Variants in FLT1 observed in about 807,000 individuals in gnomAD.
FLT1 encodes the protein vascular endothelial growth factor receptor 1.
FLT1 carries 49 observed loss-of-function variants against 156.3 expected under a neutral mutation model. That is an observed-to-expected ratio of 0.31 (90% CI 0.25 to 0.40). FLT1 has a LOEUF of 0.40. Among genes scored for constraint, FLT1 ranks in the 10% least tolerant of loss-of-function variants. FLT1 has a pLI of 1.00. For missense variants in FLT1, 1,322 were observed against 1,637.2 expected, an observed-to-expected ratio of 0.81 and a Z score of 3.32; for synonymous variants, 594 against 583.8, an observed-to-expected ratio of 1.02 and a Z score of -0.25.
chr13:28,329,532 G>T, intron 19 of FLT1, 83 bp downstream of exon 19: 1 of 978,844 alleles, frequency 1.0e-6, no homozygotes, highest in Non-Finnish European at 1.6e-6. Context: ...GCACAGTGCG[G>T]GGGAGAAGGA....
intron 20 of FLT1, among the ~76,000 whole-genome samples, chr13:28,324,238 C>T (rs1277821199): frequency 5.3e-5 from 8 of 152,184 alleles, no homozygotes; most frequent in Non-Finnish European, 1.2e-4. Flanking sequence ...TTCTGCTAGA[C>T]AGCAATACTG....
chr13:28,387,530 C>T, intron 13 of FLT1: 1 of 1,062,116 alleles, frequency 9.4e-7, no homozygotes, highest in Non-Finnish European at 1.1e-6. Flanking sequence ...TTATCAGTAG[C>T]CAAAGATAGC....
rs183222154 is a variant in FLT1, at chr13:28,345,888, C to T, written c.2249-337G>A. 326 of 245,676 alleles carry T rather than the reference C, an allele frequency of 1.3e-3. 1 individual carries two copies. Among genetic ancestry groups the T allele is most frequent in the African/African-American group, 6.9e-3 (304 of 43,964 alleles). 15.2% of individuals were successfully genotyped at this position (245,676 alleles called of 1,614,324 possible). A position where few individuals can be genotyped will look rare whatever the true frequency, so the allele number is the denominator to read the frequency against. ...AATTAAAAATGGGAAAAAATTAAGG[C>T]AGGAACAAAAGCCCATTAAAATGCT... is the stretch of plus-strand genomic sequence containing the variant. On this transcript the variant is annotated intron_variant, in intron 15 of 29. Coordinates refer to ENST00000282397, the MANE Select transcript of FLT1 (RefSeq NM_002019.4).
At chr13:28,473,714 GAAA>G (rs1566050179) in intron 1 of FLT1, among the ~76,000 whole-genome samples, 28 of 72,134 alleles carry the variant, frequency 3.9e-4, no homozygotes, top group African/African-American at 1.5e-3. Flanking sequence ...AAGAAAGAAA[GAAA>G]GAAAGAAAGA....
At chr13:28,361,098 G>C (rs1195473763) in intron 14 of FLT1, among the ~76,000 whole-genome samples, 1 of 151,972 alleles carries the variant, frequency 6.6e-6, no homozygotes, top group Admixed American at 6.6e-5. Context: ...ATCCAATATG[G>C]TGACACCCCG....
chr13:28,318,969 G>A (rs1217058549), intron 24 of FLT1, among the ~76,000 whole-genome samples: 1 of 152,186 alleles, frequency 6.6e-6, no homozygotes, highest in Non-Finnish European at 1.5e-5. Context: ...GCACTGGAAA[G>A]GTCTCCTGTT....
At chr13:28,330,737 A>G (rs1871897719) in intron 18 of FLT1, among the ~76,000 whole-genome samples, 1 of 151,316 alleles carries the variant, frequency 6.6e-6, no homozygotes, top group Non-Finnish European at 1.5e-5. Context: ...TTTTTGAGAC[A>G]GAGTCTCCCT....
chr13:28,385,023 C>T lies in FLT1; in HGVS notation c.1978G>A (p.Ala660Thr), dbSNP rs906154661. 8 of 1,613,906 alleles carry T rather than the reference C, an allele frequency of 5.0e-6. No homozygotes were observed. The highest frequency in any genetic ancestry group is 5.9e-6 in the Non-Finnish European group (7 of 1,179,996). The change falls in exon 14 of 30, where the codon GCA becomes ACA. Residue 660 changes from alanine (A) to threonine (T), a missense_variant. Coordinates refer to ENST00000282397, the MANE Select transcript of FLT1 (RefSeq NM_002019.4). ...CTGAGGTTTCGCAGGAGGTATGGTG[C>T]TTCCTGATCTAGTGAAGAAAGAAAG... ...KKEITIRDQEAPYLLRNLSDH... is the reference protein window; with the variant it reads ...KKEITIRDQETPYLLRNLSDH...
chr13:28,466,581 A>G (rs759378549), intron 3 of FLT1, among the ~76,000 whole-genome samples: 29 of 152,358 alleles, frequency 1.9e-4, no homozygotes, highest in Non-Finnish European at 3.8e-4. Flanking sequence ...TGGGCTTCTC[A>G]ATAACTAAGA....
At chr13:28,420,075 C>G (rs928247956) in intron 10 of FLT1, among the ~76,000 whole-genome samples, 4 of 152,162 alleles carry the variant, frequency 2.6e-5, no homozygotes, top group African/African-American at 9.7e-5. Context: ...AGAAAAGTGG[C>G]AAAGGGGCCT....
intron 3 of FLT1, among the ~76,000 whole-genome samples, chr13:28,463,559 G>A (rs890143493): frequency 2.0e-5 from 3 of 152,158 alleles, no homozygotes; most frequent in African/African-American, 7.2e-5. Context: ...GCTTATTGGG[G>A]CTGAAATCCC....
rs1049117069 is a variant in FLT1 at position 28,366,352 on chromosome 13, G to A, written c.2117-8667C>T. Reference sequence around the variant, plus strand: ...TACATGTGTCTTTGGTATGAGCCATGCTAATCTATTTGCAGTTTGTTCTAA... The same window carrying A: ...TACATGTGTCTTTGGTATGAGCCATACTAATCTATTTGCAGTTTGTTCTAA... On this transcript the variant is annotated intron_variant, in intron 14 of 29. Transcript: ENST00000282397. Among the ~76,000 whole-genome samples the A allele has an allele frequency of 4.6e-5, 7 of 152,172 alleles. No individual in the cohort carries two copies. In the South Asian group the frequency reaches 6.2e-4, roughly 14 times the overall value.
chr13:28,331,855 T>TA (rs35686096), intron 18 of FLT1, among the ~76,000 whole-genome samples: 1,905 of 146,644 alleles, frequency 0.013, 40 homozygotes, highest in African/African-American at 0.043. Flanking sequence ...TGCTGATGGC[T>TA]AAAAAAAAAA....
chr13:28,430,996 A>G, intron 7 of FLT1, 140 bp downstream of exon 7: 1 of 742,240 alleles, frequency 1.3e-6, no homozygotes, highest in Non-Finnish European at 2.4e-6. Context: ...TGACAGGGGG[A>G]GGAGGGAACC....
chr13:28,318,149 A>G lies in FLT1; in HGVS notation c.3287-552T>C, dbSNP rs113627084. On this transcript the variant is annotated intron_variant, in intron 24 of 29. Coordinates refer to ENST00000282397, the MANE Select transcript of FLT1 (RefSeq NM_002019.4). ...GCTTGGGCTTCTTTTTAAAAAGCCAATAGACTTGGGATAGGCTACATAGGA... is the reference window on the plus strand; with the variant it reads ...GCTTGGGCTTCTTTTTAAAAAGCCAGTAGACTTGGGATAGGCTACATAGGA... 4.7e-3 allele frequency among the ~76,000 whole-genome samples: 713 copies of G among 152,242 alleles called. 5 individuals carry two copies. Among genetic ancestry groups the G allele is most frequent in the African/African-American group, 0.016 (677 of 41,532 alleles).
Position 28,368,413 on chromosome 13 carries a change from A to G in FLT1, c.2117-10728T>C, listed in dbSNP as rs566026590. ...ATGATCCACCTGCCTTGGCCTCCCA[A>G]AGTGCTGGGATTACAGGCGTGAGCC... On this transcript the variant is annotated intron_variant, in intron 14 of 29. Transcript: ENST00000282397. The G allele has an allele frequency of 9.3e-5, 132 of 1,414,070 alleles. No individual in the cohort carries two copies. In the East Asian group the frequency reaches 3.2e-3, roughly 34 times the overall value. The allele number at this position is 1,414,070 out of a possible 1,614,324, so 87.6% of individuals were successfully genotyped here.
At chr13:28,478,264 T>C (rs974674024) in intron 1 of FLT1, among the ~76,000 whole-genome samples, 6 of 152,236 alleles carry the variant, frequency 3.9e-5, no homozygotes, top group African/African-American at 1.2e-4. Flanking sequence ...TAGCATGGAA[T>C]GCATGTGACT....
chr13:28,441,965 T>C (rs1180494571), intron 3 of FLT1, among the ~76,000 whole-genome samples: 2 of 152,184 alleles, frequency 1.3e-5, no homozygotes, highest in African/African-American at 2.4e-5. Flanking sequence ...AGGAAAACTA[T>C]AAATTTTGCA....
chr13:28,342,741 A>G (rs1231209150), intron 16 of FLT1, among the ~76,000 whole-genome samples: 2 of 152,198 alleles, frequency 1.3e-5, no homozygotes, highest in African/African-American at 4.8e-5. Context: ...AATGGGAATA[A>G]TAATATATTT....
Sources: gnomAD v4.1 joint callset for allele counts (sites outside exome capture counted in the v4.1 genomes callset) on GRCh38, gnomAD v4.1.1 for gene constraint, MANE v1.5 for transcripts, NCBI Gene and HGNC (gene_info 2026-07-23, HGNC 2026-07-21) for gene names.